Variants in MRAP2 observed in about 807,000 individuals in gnomAD.
MRAP2 encodes melanocortin 2 receptor accessory protein 2, also known as melanocortin-2 receptor accessory protein 2.
Under a neutral mutation model 17.4 loss-of-function variants are expected in MRAP2, and 20 were observed. The observed-to-expected ratio is 1.15, with a 90% confidence interval of 0.81 to 1.67. The LOEUF (loss-of-function observed/expected upper bound fraction) is 1.67. MRAP2 is among the 40% of genes most tolerant of loss of function. The probability of loss-of-function intolerance (pLI) is 0.00; values close to 1 mark genes in which losing one functional copy is unlikely to be tolerated. For synonymous variants in MRAP2, 96 were observed against 88.4 expected (o/e 1.09, Z -0.48); for missense variants, 238 against 240.0 (o/e 0.99, Z 0.05).
chr6:84,042,151 G>T (rs902281840), intron 1 of MRAP2, among the ~76,000 whole-genome samples: 4 of 152,092 alleles, frequency 2.6e-5, no homozygotes, highest in Admixed American at 2.6e-4. Flanking sequence ...GTTTTATAAG[G>T]GGCTTTCCCC....
In MRAP2 at chr6:84,050,323, C is replaced by T. The variant is rs80057355; in HGVS notation, c.-7-4989C>T. Among the ~76,000 whole-genome samples, 1,200 of 152,040 alleles carry T rather than the reference C, an allele frequency of 7.9e-3. 10 individuals are homozygous for T. Among genetic ancestry groups the T allele is most frequent in the African/African-American group, 0.027 (1,134 of 41,414 alleles). ...TGTTACTGTTTTTTTAAAGTACTGC[C>T]CTGGGAGGACACTGTGGCAGCTTTG... On this transcript the variant is annotated intron_variant, in intron 1 of 3. Transcript: ENST00000257776.
chr6:84,043,915 TTAG>T (rs1167321042), intron 1 of MRAP2, among the ~76,000 whole-genome samples: 3 of 152,228 alleles, frequency 2.0e-5, no homozygotes, highest in East Asian at 1.9e-4. Flanking sequence ...TTATGAGAAC[TTAG>T]TAGATGTGTT....
chr6:84,041,210 T>C (rs555106542), intron 1 of MRAP2, among the ~76,000 whole-genome samples: 9 of 152,226 alleles, frequency 5.9e-5, no homozygotes, highest in Non-Finnish European at 1.3e-4. Flanking sequence ...CCTTGGCAGC[T>C]TCCATTTGGT....
intron 2 of MRAP2, among the ~76,000 whole-genome samples, chr6:84,061,103 T>C (rs1326446906): frequency 2.0e-5 from 3 of 152,188 alleles, no homozygotes; most frequent in African/African-American, 7.2e-5. Context: ...TTCAGAGTGC[T>C]GAATACACAT....
intron 3 of MRAP2, among the ~76,000 whole-genome samples, chr6:84,080,333 A>G (rs2099498663): frequency 6.6e-6 from 1 of 152,020 alleles, no homozygotes. Context: ...ACCACGCCCT[A>G]TTGCCAGGGT....
chr6:84,043,791 A>G (rs1209648427), intron 1 of MRAP2, among the ~76,000 whole-genome samples: 1 of 152,112 alleles, frequency 6.6e-6, no homozygotes, highest in Non-Finnish European at 1.5e-5. Context: ...TTTGACCTCT[A>G]CTAAATCTTT....
chr6:84,041,009 C>T (rs566520043), intron 1 of MRAP2, among the ~76,000 whole-genome samples: 21 of 152,320 alleles, frequency 1.4e-4, no homozygotes, highest in African/African-American at 4.8e-4. Context: ...CAGCTCCTCC[C>T]ACCCATGGCC....
In MRAP2 at chr6:84,090,700, A is replaced by G. The variant is rs937287861; in HGVS notation, c.*1219A>G. ...TCAGGGTGGCCTGAGTTATGTAAAC[A>G]AGTGAGCAACACAGCTTTAATTTCA... On this transcript the variant is annotated 3_prime_UTR_variant, in exon 4 of 4. Coordinates refer to ENST00000257776, the MANE Select transcript of MRAP2 (RefSeq NM_138409.4). 17 of 152,338 alleles carry G rather than the reference A, an allele frequency of 1.1e-4. No individual in the cohort carries two copies. Among genetic ancestry groups the G allele is most frequent in the African/African-American group, 4.1e-4 (17 of 41,578 alleles). The allele number at this position is 152,338 out of a possible 1,614,324, so 9.4% of individuals were successfully genotyped here.
chr6:84,079,240 T>C (rs2099498365), intron 3 of MRAP2, among the ~76,000 whole-genome samples: 1 of 152,132 alleles, frequency 6.6e-6, no homozygotes, highest in South Asian at 2.1e-4. Flanking sequence ...CAAACTATTG[T>C]CATATGCAAC....
At chr6:84,139,037 T>C in the MRAP2 span, among the ~76,000 whole-genome samples, 4 of 152,358 alleles carry the variant, frequency 2.6e-5, no homozygotes, top group South Asian at 2.1e-4. Context: ...ATGGTATATA[T>C]GCATCAAAGA....
chr6:84,065,945 A>G (rs1245455282), intron 3 of MRAP2, among the ~76,000 whole-genome samples: 1 of 151,884 alleles, frequency 6.6e-6, no homozygotes, highest in African/African-American at 2.4e-5. Flanking sequence ...CATATTTGGG[A>G]CTTGCTGGTC....
chr6:84,048,983 CCTCTT>C (rs2099489727), intron 1 of MRAP2, among the ~76,000 whole-genome samples: 1 of 152,052 alleles, frequency 6.6e-6, no homozygotes, highest in African/African-American at 2.4e-5. Flanking sequence ...CAGGGCCATG[CCTCTT>C]CTCTTCTCTG....
At chr6:84,070,637 A>G (rs917025605) in intron 3 of MRAP2, among the ~76,000 whole-genome samples, 10 of 152,136 alleles carry the variant, frequency 6.6e-5, no homozygotes, top group African/African-American at 2.4e-4. Context: ...GTTTAAATCC[A>G]TTGTTTCTTT....
the MRAP2 span, chr6:84,124,320 CCAA>C: frequency 6.6e-6 from 1 of 151,730 alleles, no homozygotes; most frequent in Non-Finnish European, 1.5e-5. Context: ...TAAGTATCTA[CCAA>C]CAATTGACTG....
chr6:84,112,545 A>C, the MRAP2 span, among the ~76,000 whole-genome samples: 1 of 152,146 alleles, frequency 6.6e-6, no homozygotes, highest in Non-Finnish European at 1.5e-5. Flanking sequence ...TAATCTTTAC[A>C]AAAAACTGGC....
rs953101275 is a variant in MRAP2 at position 84,034,562 on chromosome 6, G to A, written c.-8+679G>A. Among the ~76,000 whole-genome samples, 3 of 145,276 alleles carry A rather than the reference G, an allele frequency of 2.1e-5. No individual in the cohort carries two copies. The Admixed American group carries it at 2.1e-4, about 10-fold the overall frequency. ...CCATCCTTTCTGTGTAATTAATTGA[G>A]GAAGGCAAAGAGTAGTCTCTGCAGA... On this transcript the variant is annotated intron_variant, in intron 1 of 3. Coordinates refer to ENST00000257776, the MANE Select transcript of MRAP2 (RefSeq NM_138409.4).
the MRAP2 span, among the ~76,000 whole-genome samples, chr6:84,100,914 A>G: frequency 2.0e-5 from 3 of 152,178 alleles, no homozygotes; most frequent in Non-Finnish European, 2.9e-5. Context: ...CATTTCCTGC[A>G]TATTGTCAAG....
chr6:84,041,513 C>T (rs2099487580), intron 1 of MRAP2, among the ~76,000 whole-genome samples: 1 of 152,250 alleles, frequency 6.6e-6, no homozygotes, highest in African/African-American at 2.4e-5. Flanking sequence ...GGAAAAGCCA[C>T]AGACACTCAA....
intron 3 of MRAP2, among the ~76,000 whole-genome samples, chr6:84,072,697 G>A (rs1047763343): frequency 1.3e-5 from 2 of 152,140 alleles, no homozygotes; most frequent in Non-Finnish European, 2.9e-5. Flanking sequence ...CCATCGGGTT[G>A]GGGCAAGGCT....
Sources: gnomAD v4.1 joint callset for allele counts (sites outside exome capture counted in the v4.1 genomes callset) on GRCh38, gnomAD v4.1.1 for gene constraint, MANE v1.5 for transcripts, NCBI Gene and HGNC (gene_info 2026-07-23, HGNC 2026-07-21) for gene names.